Variants in PDE2A observed in about 807,000 individuals in gnomAD.
The protein encoded by PDE2A is phosphodiesterase 2A, also known as cGMP-dependent 3',5'-cyclic phosphodiesterase.
A neutral mutation model predicts 133.6 loss-of-function variants in PDE2A; 53 were observed. The ratio of observed to expected loss-of-function variants is 0.40; its 90% CI spans 0.32 to 0.50. PDE2A has a LOEUF of 0.50. Ranked by LOEUF, PDE2A falls within the 20% of genes least tolerant of loss-of-function variation. The pLI, the probability that PDE2A is intolerant of heterozygous loss-of-function variation, is 0.73. For synonymous variants in PDE2A, 491 were observed against 490.2 expected (o/e 1.00, Z -0.02); for missense variants, 796 against 1,232.4 (o/e 0.65, Z 5.30).
At chr11:72,596,468 T>TCACA (rs1263482721) in intron 6 of PDE2A, 125 bp downstream of exon 6, 28 of 178,362 alleles carry the variant, frequency 1.6e-4, no homozygotes, top group South Asian at 2.8e-4. Flanking sequence ...TCTCTCTCTC[T>TCACA]CTCTCTCTCT....
intron 3 of PDE2A, among the ~76,000 whole-genome samples, chr11:72,608,054 A>G (rs1445041370): frequency 6.6e-6 from 1 of 152,050 alleles, no homozygotes; most frequent in Admixed American, 6.6e-5. Flanking sequence ...GAGGGGCACA[A>G]TCTCCCCAGT....
At position 72,585,447 on chromosome 11, in the gene PDE2A, G is replaced by A. The variant is rs368962120; in HGVS notation, c.1223-13C>T. The A allele has an allele frequency of 1.8e-5, 29 of 1,613,880 alleles. No individual in the cohort carries two copies. In the African/African-American group the frequency reaches 3.6e-4, roughly 20 times the overall value. On this transcript the variant is annotated splice_polypyrimidine_tract_variant and intron_variant, in intron 15 of 30. Transcript: ENST00000334456. Reference sequence around the variant, plus strand: ...ACAGAGACGTCATCTGGGGAAGGGAGAAGACCAGGCAGGGTGAGACCAGGC... The same window carrying A: ...ACAGAGACGTCATCTGGGGAAGGGAAAAGACCAGGCAGGGTGAGACCAGGC...
chr11:72,585,618 T>A (rs1565151614), intron 14 of PDE2A, 25 bp from the exon 15 acceptor site: 1 of 1,611,958 alleles, frequency 6.2e-7, no homozygotes. Context: ...ATGGAGATCA[T>A]AGGGGGGTCG....
At chr11:72,618,321 G>A (rs1199092985) in intron 2 of PDE2A, among the ~76,000 whole-genome samples, 1 of 152,188 alleles carries the variant, frequency 6.6e-6, no homozygotes, top group Non-Finnish European at 1.5e-5. Context: ...TCCGTTTCCT[G>A]CACTGTGGTG....
At chr11:72,659,302 C>A (rs1854985622) in intron 1 of PDE2A, 2 of 150,580 alleles carry the variant, frequency 1.3e-5, no homozygotes, top group Non-Finnish European at 3.0e-5. Context: ...GGGAAGTGTT[C>A]TTGAGTCTGA....
chr11:72,650,967 C>G (rs1404520165), intron 1 of PDE2A, among the ~76,000 whole-genome samples: 1 of 150,468 alleles, frequency 6.6e-6, no homozygotes, highest in African/African-American at 2.5e-5. Context: ...TCAGAGATAC[C>G]AAGGCAAGAA....
intron 1 of PDE2A, among the ~76,000 whole-genome samples, chr11:72,654,123 T>C (rs79477758): frequency 0.021 from 3,125 of 151,806 alleles, 84 homozygotes; most frequent in African/African-American, 0.072. Flanking sequence ...AGCCCTGGGA[T>C]GTTTACTTCC....
At chr11:72,627,914 A>T (rs1858166572) in intron 2 of PDE2A, among the ~76,000 whole-genome samples, 1 of 152,226 alleles carries the variant, frequency 6.6e-6, no homozygotes, top group Non-Finnish European at 1.5e-5. Context: ...GCCCTGAAGG[A>T]GGATGCCAGG....
chr11:72,671,235 C>G (rs954198338), intron 1 of PDE2A, among the ~76,000 whole-genome samples: 1 of 152,192 alleles, frequency 6.6e-6, no homozygotes, highest in Non-Finnish European at 1.5e-5. Context: ...TCCCTGAGAA[C>G]AGGGACTCAG....
chr11:72,607,258 A>G (rs183685906), intron 3 of PDE2A, among the ~76,000 whole-genome samples: 106 of 152,272 alleles, frequency 7.0e-4, no homozygotes, highest in Non-Finnish European at 1.1e-3. Context: ...TCTGTTGCAG[A>G]GCATCTAGGC....
At chr11:72,583,399 G>A in intron 20 of PDE2A, 39 bp downstream of exon 20, 9 of 1,413,074 alleles carry the variant, frequency 6.4e-6, no homozygotes, top group Non-Finnish European at 9.0e-6. Flanking sequence ...GGTCCCCGGG[G>A]AATCTGGGAG....
chr11:72,604,683 C>T (rs896830794), intron 4 of PDE2A, among the ~76,000 whole-genome samples: 1 of 152,216 alleles, frequency 6.6e-6, no homozygotes, highest in African/African-American at 2.4e-5. Context: ...AGTGGGGCTC[C>T]AGAACCCTCA....
chr11:72,617,540 G>C (rs914514252), intron 2 of PDE2A, among the ~76,000 whole-genome samples: 1 of 152,224 alleles, frequency 6.6e-6, no homozygotes, highest in African/African-American at 2.4e-5. Context: ...GCCTCCCGCT[G>C]CTTTGTCCTA....
At position 72,607,345 on chromosome 11, in the gene PDE2A, G is replaced by A. The variant is rs1376078113; in HGVS notation, c.234+1317C>T. On this transcript the variant is annotated intron_variant, in intron 3 of 30. Coordinates refer to ENST00000334456, the MANE Select transcript of PDE2A (RefSeq NM_002599.5). ...CCTCCCACCCTACGGCAGCCTCAGT[G>A]GCCACAGAGGCTCTCGGGGCAGCCC... Among the ~76,000 whole-genome samples the A allele has an allele frequency of 2.6e-5, 4 of 152,138 alleles. No individual in the cohort carries two copies. The East Asian group carries it at 7.7e-4, about 29-fold the overall frequency.
chr11:72,646,312 C>G (rs537408231), intron 1 of PDE2A, among the ~76,000 whole-genome samples: 1 of 152,338 alleles, frequency 6.6e-6, no homozygotes, highest in African/African-American at 2.4e-5. Flanking sequence ...AAAATGACAC[C>G]TCTCATTGGT....
chr11:72,579,154 G>T (rs569151395), intron 27 of PDE2A, 130 bp downstream of exon 27: 13 of 947,730 alleles, frequency 1.4e-5, no homozygotes, highest in African/African-American at 9.7e-5. Flanking sequence ...GTCTGCCTGG[G>T]GGGGGCCGTG....
rs374515052 is a variant in PDE2A, at chr11:72,605,168, G to C, written c.293C>G (p.Pro98Arg). Residue 98 changes from proline (P) to arginine (R), a missense_variant, in exon 4 of 31, where the codon CCA becomes CGA. Around this residue, in one of 7 missense-constraint regions of PDE2A, gnomAD observed 417 missense variants for 475.3 expected, o/e 0.88. Transcript: ENST00000334456. Reference sequence around the variant, plus strand: ...TTTCCCCTCCTGGGGCAGCTCATGTGGGGGGTCCTCACACACCAGCTGGGA... The same window carrying C: ...TTTCCCCTCCTGGGGCAGCTCATGTCGGGGGTCCTCACACACCAGCTGGGA... ...GESQLVCEDP[P>R]HELPQEGKVR... 5 of 1,609,716 alleles carry C rather than the reference G, an allele frequency of 3.1e-6. No individual in the cohort carries two copies. Among genetic ancestry groups the C allele is most frequent in the Non-Finnish European group, 2.5e-6 (3 of 1,177,262 alleles).
intron 2 of PDE2A, among the ~76,000 whole-genome samples, chr11:72,635,055 C>T (rs1035148064): frequency 3.3e-5 from 5 of 152,166 alleles, no homozygotes; most frequent in South Asian, 2.1e-4. Context: ...CCAGAGACTT[C>T]GAGGGCTGGG....
intron 20 of PDE2A, 84 bp downstream of exon 20, chr11:72,583,354 A>G: frequency 2.1e-6 from 2 of 948,252 alleles, no homozygotes; most frequent in South Asian, 2.6e-5. Context: ...TCTCATCCTC[A>G]GTAGAGATTG....
Sources: allele counts gnomAD v4.1 joint callset (sites outside exome capture counted in the v4.1 genomes callset), GRCh38; gene constraint gnomAD v4.1.1; regional missense constraint gnomAD v4.1.1; transcripts MANE v1.5; gene names NCBI Gene and HGNC (gene_info 2026-07-23, HGNC 2026-07-21).